Variants in SYNE1 observed in about 807,000 individuals in gnomAD.
The protein encoded by SYNE1 is nesprin-1.
Under a neutral mutation model 1,111.0 loss-of-function variants are expected in SYNE1, and 616 were observed. The ratio of observed to expected loss-of-function variants is 0.55; its 90% CI spans 0.52 to 0.59. The LOEUF is 0.59. SYNE1 is among the 20% of genes least tolerant of loss of function. The probability of loss-of-function intolerance (pLI) is 0.00; values close to 1 mark genes in which losing one functional copy is unlikely to be tolerated. For missense variants in SYNE1, 10,006 were observed against 10,417.0 expected (o/e 0.96, Z 1.72); for synonymous variants, 3,855 against 3,825.8 (o/e 1.01, Z -0.28).
intron 73 of SYNE1, among the ~76,000 whole-genome samples, chr6:152,346,259 C>T (rs1365035984): frequency 6.6e-6 from 1 of 152,054 alleles, no homozygotes; most frequent in African/African-American, 2.4e-5. Context: ...CTCTGCCTCC[C>T]ACGTTCAAGC....
At chr6:152,300,573 G>T in intron 93 of SYNE1, 68 bp downstream of exon 93, 1 of 1,606,626 alleles carries the variant, frequency 6.2e-7, no homozygotes, top group East Asian at 2.2e-5. Context: ...ACGATCTAAT[G>T]GAAACAGAGA....
At chr6:152,456,096 G>GAGAA in intron 22 of SYNE1, 52 bp from the exon 23 acceptor site, 3 of 1,572,572 alleles carry the variant, frequency 1.9e-6, no homozygotes, top group Non-Finnish European at 2.6e-6. Flanking sequence ...CAGAGTGAGA[G>GAGAA]AGAAAGAAAG....
At chr6:152,371,845 C>CAGGAAAGGAA (rs71017534) in intron 59 of SYNE1, among the ~76,000 whole-genome samples, 5 of 59,336 alleles carry the variant, frequency 8.4e-5, no homozygotes, top group South Asian at 6.1e-4. Flanking sequence ...CAGGACAGGA[C>CAGGAAAGGAA]AGGAAAGGAA....
In SYNE1 at chr6:152,350,276, G is replaced by A. The variant is rs2096718287; in HGVS notation, c.11793C>T (p.Leu3931=). Residue 3931 remains leucine, a synonymous_variant, in exon 72 of 146, where the codon CTC becomes CTT. Coordinates refer to ENST00000367255, the MANE Select transcript of SYNE1 (RefSeq NM_182961.4). The part of the protein sequence containing the change: ...VKDHEDYNSE[L]QEVEKWLLQM... ...GCAGCAGCCACTTTTCGACCTCTTG[G>A]AGCTCACTGTTGTAGTCTTCATGGT... 6.2e-7 allele frequency: 1 copy of A among 1,614,166 alleles called. No individual in the cohort carries two copies.
At chr6:152,441,393 A>G (rs1259541869) in intron 31 of SYNE1, 123 bp from the exon 32 acceptor site, 7 of 973,506 alleles carry the variant, frequency 7.2e-6, no homozygotes, top group Non-Finnish European at 9.2e-6. Flanking sequence ...CACAGTCACA[A>G]TGAATAGAGA....
intron 108 of SYNE1, among the ~76,000 whole-genome samples, chr6:152,238,150 G>C (rs954628110): frequency 2.0e-5 from 3 of 150,822 alleles, no homozygotes; most frequent in Non-Finnish European, 3.0e-5. Flanking sequence ...GAATAAAACA[G>C]AACTGGGTAG....
chr6:152,544,131 C>T (rs1010854355), intron 3 of SYNE1, among the ~76,000 whole-genome samples: 2 of 152,070 alleles, frequency 1.3e-5, no homozygotes, highest in Admixed American at 6.5e-5. Context: ...GAATTCAGAC[C>T]AATTGCAAAG....
intron 133 of SYNE1, among the ~76,000 whole-genome samples, chr6:152,153,076 C>G (rs540691115): frequency 6.6e-6 from 1 of 152,076 alleles, no homozygotes; most frequent in Non-Finnish European, 1.5e-5. Flanking sequence ...TAAATTGAAC[C>G]GCACTCATCA....
intron 125 of SYNE1, among the ~76,000 whole-genome samples, chr6:152,207,037 T>G (rs2076645113): frequency 6.6e-6 from 1 of 152,186 alleles, no homozygotes; most frequent in South Asian, 2.1e-4. Flanking sequence ...GGATGTGTGT[T>G]GGATATACTA....
chr6:152,130,045 G>A (rs2055017077), intron 145 of SYNE1, among the ~76,000 whole-genome samples: 1 of 152,188 alleles, frequency 6.6e-6, no homozygotes, highest in Admixed American at 6.5e-5. Flanking sequence ...AGGAAGCGCG[G>A]AGTGGCAGCT....
chr6:152,596,098 TAAAAAAAAA>T (rs71017542), intron 3 of SYNE1, among the ~76,000 whole-genome samples: 2 of 18,590 alleles, frequency 1.1e-4, no homozygotes, highest in South Asian at 3.8e-3. Context: ...AAGGGCAATC[TAAAAAAAAA>T]AAAAAAAAAA....
intron 63 of SYNE1, among the ~76,000 whole-genome samples, chr6:152,363,160 C>T (rs566301866): frequency 1.2e-3 from 172 of 148,554 alleles, no homozygotes; most frequent in African/African-American, 3.9e-3. Flanking sequence ...GGAATACAGG[C>T]GTGAGCCACC....
At chr6:152,428,919 C>T (rs1179878739) in intron 36 of SYNE1, among the ~76,000 whole-genome samples, 4 of 151,868 alleles carry the variant, frequency 2.6e-5, no homozygotes, top group Non-Finnish European at 5.9e-5. Flanking sequence ...TTCAACTTTC[C>T]CTTAACAATT....
In SYNE1 at chr6:152,390,263, A is replaced by G. The variant is rs770196808; in HGVS notation, c.8177+17T>C. 1 of 1,613,674 alleles carries G rather than the reference A, an allele frequency of 6.2e-7. No individual in the cohort carries two copies. Among genetic ancestry groups the G allele is most frequent in the African/African-American group, 1.3e-5 (1 of 74,998 alleles). On this transcript the variant is annotated intron_variant, in intron 53 of 145. Coordinates refer to ENST00000367255, the MANE Select transcript of SYNE1 (RefSeq NM_182961.4). ...ACTGCATTGGACTTAAACAAACTCT[A>G]AAAATAGGTTCTGTACCTTTGAGCG...
In SYNE1 at chr6:152,149,474, T is replaced by C. The variant is rs117346210; in HGVS notation, c.24642+3A>G. 1.3e-4 allele frequency: 204 copies of C among 1,614,192 alleles called. 3 individuals are homozygous for C. In the East Asian group the frequency reaches 4.0e-3, roughly 32 times the overall value. On this transcript the variant is annotated splice_donor_region_variant and intron_variant, in intron 136 of 145. Coordinates refer to ENST00000367255, the MANE Select transcript of SYNE1 (RefSeq NM_182961.4). Reference sequence around the variant, plus strand: ...GACAACTAAGAAAATCAATGTTACATACAGGCAGGCGGATCAGTTTCTTAT... The same window carrying C: ...GACAACTAAGAAAATCAATGTTACACACAGGCAGGCGGATCAGTTTCTTAT...
intron 91 of SYNE1, 161 bp from the exon 92 acceptor site, chr6:152,302,224 G>T (rs549618771): frequency 2.2e-5 from 20 of 928,236 alleles, no homozygotes; most frequent in Non-Finnish European, 3.3e-5. Flanking sequence ...TCTCGCTACC[G>T]AGCCAGACCG....
chr6:152,318,844 T>C lies in SYNE1; in HGVS notation c.16389+19A>G. 6.2e-7 allele frequency: 1 copy of C among 1,613,914 alleles called. No individual in the cohort carries two copies. The highest frequency in any genetic ancestry group is 2.2e-5 in the East Asian group (1 of 44,872). ...TATTTAATTCATTCAGTAGTACCCT[T>C]TAAAATTCTACTTCTTACCTTTTGG... On this transcript the variant is annotated intron_variant, in intron 85 of 145. Transcript: ENST00000367255.
chr6:152,203,236 T>C (rs1471699344), intron 126 of SYNE1, among the ~76,000 whole-genome samples: 2 of 152,222 alleles, frequency 1.3e-5, no homozygotes, highest in East Asian at 1.9e-4. Context: ...CAGACACACG[T>C]AATTTTTTTG....
intron 3 of SYNE1, among the ~76,000 whole-genome samples, chr6:152,604,094 G>A (rs1178781510): frequency 6.6e-6 from 1 of 151,178 alleles, no homozygotes; most frequent in Non-Finnish European, 1.5e-5. Context: ...ATATAAAAGA[G>A]TGATGAGTTT....
Sources: gnomAD v4.1 joint callset for allele counts (sites outside exome capture counted in the v4.1 genomes callset) on GRCh38, gnomAD v4.1.1 for gene constraint, MANE v1.5 for transcripts, NCBI Gene and HGNC (gene_info 2026-07-23, HGNC 2026-07-21) for gene names.